The following GCC2 variants were observed in gnomAD, a reference collection of about 807,000 sequenced individuals.
GCC2 encodes GRIP and coiled-coil domain containing 2.
A neutral mutation model predicts 210.6 loss-of-function variants in GCC2; 120 were observed. The observed-to-expected ratio is 0.57, with a 90% confidence interval of 0.49 to 0.66. The LOEUF (loss-of-function observed/expected upper bound fraction) is 0.66. Among genes scored for constraint, GCC2 ranks in the 30% least tolerant of loss-of-function variants. The probability of loss-of-function intolerance (pLI) is 0.00; values close to 1 mark genes in which losing one functional copy is unlikely to be tolerated. For synonymous variants in GCC2, 703 were observed against 652.7 expected, an observed-to-expected ratio of 1.08 and a Z score of -1.17; for missense variants, 1,868 against 1,871.9, an observed-to-expected ratio of 1.00 and a Z score of 0.04.
Position 108,471,420 on chromosome 2 carries a change from C to T in GCC2, c.2091C>T (p.Leu697=). The T allele has an allele frequency of 6.2e-7, 1 of 1,605,642 alleles. No homozygotes were observed. Among genetic ancestry groups the T allele is most frequent in the Non-Finnish European group, 8.5e-7 (1 of 1,177,698 alleles). ...VKSLYEENNK[L]SSEKKQLSRD... is the part of the protein sequence containing the mutation. ...CTCTTTATGAGGAAAACAATAAACT[C>T]AGTTCAGAAAAAAAACAGTTGAGTA... The change falls in exon 6 of 23, where the codon CTC becomes CTT. Residue 697 remains leucine, a synonymous_variant. Coordinates refer to ENST00000309863, the MANE Select transcript of GCC2 (RefSeq NM_181453.4).
At chr2:108,461,285 T>G (rs901930719) in intron 4 of GCC2, among the ~76,000 whole-genome samples, 1 of 142,860 alleles carries the variant, frequency 7.0e-6, no homozygotes, top group Non-Finnish European at 1.5e-5. Context: ...CTTTTCTCTT[T>G]GCTGAATTTT....
In GCC2 at chr2:108,497,074, G is replaced by A. The variant is rs1458525248; in HGVS notation, c.4747G>A (p.Glu1583Lys). Residue 1583 changes from glutamate (E) to lysine (K), a missense_variant, in exon 21 of 23, where the codon GAA becomes AAA. Glu to Lys is a moderately conservative substitution (Grantham distance 56). Transcript: ENST00000309863. ...DHLNGLLRET[E>K]ATNAILMEQI... ...CTTAAACGGCCTGCTTCGGGAAACA[G>A]AAGCAACCAATGCAATTCTTATGGA... 6.2e-7 allele frequency: 1 copy of A among 1,611,918 alleles called. No individual in the cohort carries two copies. Among genetic ancestry groups the A allele is most frequent in the Non-Finnish European group, 8.5e-7 (1 of 1,179,882 alleles).
chr2:108,484,918 A>G (rs1682054215), intron 13 of GCC2, among the ~76,000 whole-genome samples: 1 of 151,346 alleles, frequency 6.6e-6, no homozygotes, highest in African/African-American at 2.4e-5. Flanking sequence ...CTTGGAACCA[A>G]CCCAAATGTC....
chr2:108,492,752 C>G lies in GCC2; in HGVS notation c.4409C>G (p.Ala1470Gly). 3.7e-6 allele frequency: 6 copies of G among 1,613,428 alleles called. No homozygotes were observed. Among genetic ancestry groups the G allele is most frequent in the Non-Finnish European group, 5.1e-6 (6 of 1,179,338 alleles). The change falls in exon 19 of 23, where the codon GCA becomes GGA. Residue 1470 changes from alanine to glycine, a missense_variant. Around this residue, in one of 3 missense-constraint regions of GCC2, gnomAD observed 1,847 missense variants for 1,765.2 expected, o/e 1.05. Coordinates refer to ENST00000309863, the MANE Select transcript of GCC2 (RefSeq NM_181453.4). ...TLQQQLSKME[A>G]QLFQLKNEPT... The stretch of plus-strand genomic sequence containing the variant: ...CAGCAGCAGCTCTCCAAGATGGAAG[C>G]ACAGCTCTTCCAGCTTAAGAATGAA...
intron 22 of GCC2, among the ~76,000 whole-genome samples, chr2:108,505,954 A>C (rs909079648): frequency 6.6e-6 from 1 of 152,154 alleles, no homozygotes; most frequent in Non-Finnish European, 1.5e-5. Flanking sequence ...CTAAGGTCAA[A>C]CTGACATACA....
chr2:108,503,206 G>C (rs1325365252), intron 22 of GCC2, among the ~76,000 whole-genome samples: 1 of 151,596 alleles, frequency 6.6e-6, no homozygotes, highest in Non-Finnish European at 1.5e-5. Flanking sequence ...TCACATAAGA[G>C]TAAAACTGCC....
rs1681200895 is a variant in GCC2, at chr2:108,471,262, G to A, written c.1933G>A (p.Val645Ile). Reference protein sequence around the residue: ...IQYNSELEQKVNELTGGLEET... With the variant: ...IQYNSELEQKINELTGGLEET... The stretch of plus-strand genomic sequence containing the variant: ...GTACAACAGTGAACTAGAACAAAAG[G>A]TAAATGAATTAACAGGAGGACTAGA... The change falls in exon 6 of 23, where the codon GTA becomes ATA. Residue 645 changes from valine to isoleucine, a missense_variant. Transcript: ENST00000309863. 1.9e-6 allele frequency: 3 copies of A among 1,609,158 alleles called. No individual in the cohort carries two copies. Among genetic ancestry groups the A allele is most frequent in the South Asian group, 1.1e-5 (1 of 89,760 alleles).
intron 4 of GCC2, among the ~76,000 whole-genome samples, chr2:108,467,119 C>T (rs1364218526): frequency 6.6e-6 from 1 of 152,052 alleles, no homozygotes; most frequent in Non-Finnish European, 1.5e-5. Flanking sequence ...TTTACTTTCC[C>T]ATATACGTTT....
In GCC2 at chr2:108,469,796, T is replaced by C; in HGVS notation, c.467T>C (p.Leu156Pro). ...GACAAAGCTAACTTACAAAAGCAGC[T>C]GGAAGAAGCAATGAATACGCAATTA... ...SEDKANLQKQ[L>P]EEAMNTQLEL... Residue 156 changes from leucine (L) to proline (P), a missense_variant, in exon 6 of 23, where the codon CTG becomes CCG. Around this residue, in one of 3 missense-constraint regions of GCC2, gnomAD observed 1,847 missense variants for 1,765.2 expected, o/e 1.05. Transcript: ENST00000309863. The C allele has an allele frequency of 6.2e-7, 1 of 1,613,934 alleles. No homozygotes were observed. The highest frequency in any genetic ancestry group is 8.5e-7 in the Non-Finnish European group (1 of 1,179,868).
chr2:108,464,447 G>A (rs986501910), intron 4 of GCC2, among the ~76,000 whole-genome samples: 3 of 152,206 alleles, frequency 2.0e-5, no homozygotes, highest in Non-Finnish European at 2.9e-5. Context: ...TGGGGACAGC[G>A]TGAGCTCTCT....
chr2:108,487,561 A>T, intron 16 of GCC2, 138 bp from the exon 17 acceptor site: 1 of 804,086 alleles, frequency 1.2e-6, no homozygotes, highest in Non-Finnish European at 2.0e-6. Context: ...TAGCAAGGTT[A>T]ATCAAGAAAC....
rs1681078860 is a variant in GCC2 at position 108,469,633 on chromosome 2, G to A, written c.322-18G>A. On this transcript the variant is annotated intron_variant, in intron 5 of 22. Transcript: ENST00000309863. ...TGTCTTACTTAAATAATTTATGTGT[G>A]CTTATTTTTTGTAATAGGATTCTGT... is the stretch of plus-strand genomic sequence containing the variant. 6.5e-7 allele frequency: 1 copy of A among 1,542,144 alleles called. No homozygotes were observed. The highest frequency in any genetic ancestry group is 8.7e-7 in the Non-Finnish European group (1 of 1,143,798).
chr2:108,496,352 C>G (rs1211694185), intron 20 of GCC2: 2 of 153,146 alleles, frequency 1.3e-5, no homozygotes, highest in African/African-American at 2.4e-5. Flanking sequence ...TCAGAATCAC[C>G]TGGAGTAAGG....
intron 11 of GCC2, 79 bp downstream of exon 11, chr2:108,482,530 A>T: frequency 1.4e-6 from 1 of 693,992 alleles, no homozygotes. Context: ...GGGAAGACTT[A>T]CTAAGAGTAG....
Position 108,509,195 on chromosome 2 carries a change from C to T in GCC2, c.*1565C>T, listed in dbSNP as rs1312139012. ...TAACTAATCATATTTAAATATATTT[C>T]ACTTTCTCTTTGACTTTAGACCTTT... On this transcript the variant is annotated 3_prime_UTR_variant, in exon 23 of 23. Transcript: ENST00000309863. 2 of 152,588 alleles carry T rather than the reference C, an allele frequency of 1.3e-5. No homozygotes were observed. The highest frequency in any genetic ancestry group is 1.3e-4 in the Admixed American group (2 of 15,278). 9.5% of individuals were successfully genotyped at this position (152,588 alleles called of 1,614,324 possible). A position where few individuals can be genotyped will look rare whatever the true frequency, so the allele number is the denominator to read the frequency against.
intron 9 of GCC2, among the ~76,000 whole-genome samples, chr2:108,479,582 A>G (rs763189576): frequency 6.6e-6 from 1 of 152,288 alleles, no homozygotes; most frequent in East Asian, 1.9e-4. Flanking sequence ...CAGAGGTTAC[A>G]GTGAGCTGAG....
intron 4 of GCC2, among the ~76,000 whole-genome samples, chr2:108,455,586 T>G (rs570762074): frequency 1.3e-4 from 17 of 126,104 alleles, no homozygotes; most frequent in Non-Finnish European, 2.3e-4. Flanking sequence ...ATATAATCAT[T>G]AAATCAGAGT....
At chr2:108,467,839 T>G (rs558736086) in intron 4 of GCC2, among the ~76,000 whole-genome samples, 14 of 152,306 alleles carry the variant, frequency 9.2e-5, no homozygotes, top group Non-Finnish European at 1.8e-4. Context: ...TTGTATGAAA[T>G]TGGGATGATC....
At chr2:108,458,906 C>G (rs1423889074) in intron 4 of GCC2, among the ~76,000 whole-genome samples, 1 of 152,060 alleles carries the variant, frequency 6.6e-6, no homozygotes, top group Non-Finnish European at 1.5e-5. Context: ...TTAAAAGTCT[C>G]TATTTCATTT....
Sources: allele counts gnomAD v4.1 joint callset (sites outside exome capture counted in the v4.1 genomes callset), GRCh38; gene constraint gnomAD v4.1.1; regional missense constraint gnomAD v4.1.1; transcripts MANE v1.5; gene names NCBI Gene and HGNC (gene_info 2026-07-23, HGNC 2026-07-21).